MICU3: variants seen among roughly 807,000 people sequenced by gnomAD.
The protein encoded by MICU3 is calcium uptake protein 3, mitochondrial.
A neutral mutation model predicts 66.5 loss-of-function variants in MICU3; 62 were observed. The observed-to-expected ratio is 0.93, with a 90% CI of 0.76 to 1.15. MICU3 has a LOEUF of 1.15. Among genes scored for constraint, MICU3 ranks in the 50% most tolerant of loss-of-function variants. The probability of loss-of-function intolerance (pLI) is 0.00; values close to 1 mark genes in which losing one functional copy is unlikely to be tolerated. For missense variants in MICU3, 779 were observed against 664.4 expected, an observed-to-expected ratio of 1.17 and a Z score of -1.90; for synonymous variants, 308 against 240.7, an observed-to-expected ratio of 1.28 and a Z score of -2.59.
At chr8:17,086,505 A>G (rs1246100839) in intron 6 of MICU3, among the ~76,000 whole-genome samples, 1 of 152,078 alleles carries the variant, frequency 6.6e-6, no homozygotes, top group Non-Finnish European at 1.5e-5. Flanking sequence ...TTTGATTACA[A>G]TAGATATAGA....
chr8:17,080,767 G>A (rs1046589618), intron 4 of MICU3, among the ~76,000 whole-genome samples: 1 of 152,118 alleles, frequency 6.6e-6, no homozygotes, highest in African/African-American at 2.4e-5. Flanking sequence ...GCCTGACAGT[G>A]ACTCCTCTTC....
chr8:17,071,978 C>G (rs1471941795), intron 3 of MICU3, among the ~76,000 whole-genome samples: 1 of 152,066 alleles, frequency 6.6e-6, no homozygotes, highest in Non-Finnish European at 1.5e-5. Context: ...CCAAATCTAT[C>G]TATAAATTCA....
At chr8:17,090,745 A>T in intron 8 of MICU3, 161 bp downstream of exon 8, 1 of 487,954 alleles carries the variant, frequency 2.0e-6, no homozygotes, top group Non-Finnish European at 3.6e-6. Flanking sequence ...GTTACATTTC[A>T]TTCCTAGATT....
chr8:17,053,219 T>G (rs1045200217), intron 1 of MICU3, among the ~76,000 whole-genome samples: 2 of 152,158 alleles, frequency 1.3e-5, no homozygotes, highest in Non-Finnish European at 2.9e-5. Flanking sequence ...ATTATGCAGT[T>G]TAGATAATTG....
At position 17,107,481 on chromosome 8, in the gene MICU3, ACT is replaced by A. The variant is rs1021344556; in HGVS notation, c.1257+1900_1257+1901del. On this transcript the variant is annotated intron_variant, in intron 11 of 14. Transcript: ENST00000318063. ...GTAGATATGGGTCAAATCTTTTAAG[ACT>A]CTGTAGGCTAAGGTAAGAAGTTTAG... Among the ~76,000 whole-genome samples, 26 of 152,182 alleles carry A rather than the reference ACT, an allele frequency of 1.7e-4. No homozygotes were observed. In the Middle Eastern group the frequency reaches 0.014, roughly 80 times the overall value.
intron 1 of MICU3, among the ~76,000 whole-genome samples, chr8:17,042,351 CA>C (rs1291568002): frequency 3.9e-5 from 6 of 152,176 alleles, no homozygotes; most frequent in Non-Finnish European, 8.8e-5. Flanking sequence ...AATGTAACTT[CA>C]TTTTATGTAA....
intron 8 of MICU3, among the ~76,000 whole-genome samples, chr8:17,091,609 A>T (rs1324946481): frequency 1.3e-5 from 2 of 152,016 alleles, no homozygotes; most frequent in East Asian, 1.9e-4. Context: ...TTTCCTCATT[A>T]TACAAAATGG....
chr8:17,094,640 C>T (rs1461946784), intron 8 of MICU3, among the ~76,000 whole-genome samples: 2 of 151,612 alleles, frequency 1.3e-5, no homozygotes, highest in African/African-American at 4.8e-5. Context: ...TCGCTTGGTT[C>T]ATTTTAAAAA....
chr8:17,088,294 G>C (rs1368163814), intron 7 of MICU3, among the ~76,000 whole-genome samples: 1 of 151,852 alleles, frequency 6.6e-6, no homozygotes, highest in Non-Finnish European at 1.5e-5. Context: ...AGTATCAAAA[G>C]GGGCAGTAGT....
intron 1 of MICU3, among the ~76,000 whole-genome samples, chr8:17,039,150 ATTAAG>A (rs1813595439): frequency 2.0e-5 from 3 of 152,164 alleles, no homozygotes; most frequent in Admixed American, 6.5e-5. Flanking sequence ...GTATTTTTAA[ATTAAG>A]TTATGTACTG....
chr8:17,118,643 T>C, intron 13 of MICU3, 64 bp from the exon 14 acceptor site: 1 of 1,030,402 alleles, frequency 9.7e-7, no homozygotes, highest in Non-Finnish European at 1.5e-6. Context: ...ATTCCACATG[T>C]AAGTGAAATC....
At chr8:17,107,828 C>G (rs980553519) in intron 11 of MICU3, among the ~76,000 whole-genome samples, 6 of 152,168 alleles carry the variant, frequency 3.9e-5, no homozygotes, top group African/African-American at 1.4e-4. Context: ...AACTGTGACA[C>G]TCAGATGTGG....
chr8:17,088,226 G>C (rs181038351), intron 7 of MICU3, among the ~76,000 whole-genome samples: 14 of 151,964 alleles, frequency 9.2e-5, no homozygotes, highest in Admixed American at 2.6e-4. Flanking sequence ...GTATACTATT[G>C]ACAAAGCTTA....
At chr8:17,122,998 C>G (rs1803295383), downstream of MICU3, among the ~76,000 whole-genome samples, 1 of 151,916 alleles carries the variant, frequency 6.6e-6, no homozygotes, top group Admixed American at 6.6e-5. Flanking sequence ...AGTTATTATC[C>G]TACTACTTAT....
the MICU3 span, among the ~76,000 whole-genome samples, chr8:17,137,092 G>T: frequency 1.3e-5 from 2 of 151,956 alleles, no homozygotes; most frequent in Non-Finnish European, 2.9e-5. Context: ...CAAAGTGCTG[G>T]GATTACAGGC....
At chr8:17,080,885 G>C (rs547708818) in intron 4 of MICU3, among the ~76,000 whole-genome samples, 6 of 152,034 alleles carry the variant, frequency 3.9e-5, no homozygotes, top group Non-Finnish European at 7.4e-5. Context: ...TTTACCAAGC[G>C]TCAGAACTAT....
At position 17,027,428 on chromosome 8, in the gene MICU3, A is replaced by T; in HGVS notation, c.149A>T (p.Glu50Val). 7.4e-7 allele frequency: 1 copy of T among 1,346,276 alleles called. No homozygotes were observed. Among genetic ancestry groups the T allele is most frequent in the Non-Finnish European group, 9.5e-7 (1 of 1,054,536 alleles). 83.4% of individuals were successfully genotyped at this position (1,346,276 alleles called of 1,614,324 possible). ...GRPFSSREDEERAVAEAAWRR... is the reference protein window; with the variant it reads ...GRPFSSREDEVRAVAEAAWRR... Reference sequence around the variant, plus strand: ...CCCTTCTCCTCCCGAGAGGATGAGGAGAGGGCTGTGGCGGAGGCGGCATGG... The same window carrying T: ...CCCTTCTCCTCCCGAGAGGATGAGGTGAGGGCTGTGGCGGAGGCGGCATGG... The change falls in exon 1 of 15, where the codon GAG (glutamate) becomes GTG (valine). Residue 50 changes from glutamate to valine, a missense_variant. Coordinates refer to ENST00000318063, the MANE Select transcript of MICU3 (RefSeq NM_181723.3).
chr8:17,129,283 T>C, the MICU3 span, among the ~76,000 whole-genome samples: 1 of 151,968 alleles, frequency 6.6e-6, no homozygotes, highest in African/African-American at 2.4e-5. Context: ...AGCAGGAAAA[T>C]GTGACCCTTA....
intron 1 of MICU3, among the ~76,000 whole-genome samples, chr8:17,048,327 G>A (rs7015573): frequency 0.41 from 61,165 of 149,418 alleles, 15,551 homozygotes; most frequent in African/African-American, 0.76. Flanking sequence ...AAGAAAACAC[G>A]ATAGAAAAAT....
Sources: gnomAD v4.1 joint callset for allele counts (sites outside exome capture counted in the v4.1 genomes callset) on GRCh38, gnomAD v4.1.1 for gene constraint, MANE v1.5 for transcripts, NCBI Gene and HGNC (gene_info 2026-07-23, HGNC 2026-07-21) for gene names.